Variants in LRP1B observed in about 807,000 individuals in gnomAD.
The protein encoded by LRP1B is LDL receptor related protein 1B.
Under a neutral mutation model 556.6 loss-of-function variants are expected in LRP1B, and 217 were observed. The observed-to-expected ratio is 0.39, with a 90% CI of 0.35 to 0.44. The LOEUF (loss-of-function observed/expected upper bound fraction) is 0.44. Among genes scored for constraint, LRP1B ranks in the 20% least tolerant of loss-of-function variants. The pLI is 1.00. For missense variants in LRP1B, 5,053 were observed against 5,620.8 expected, an observed-to-expected ratio of 0.90 and a Z score of 3.23; for synonymous variants, 2,047 against 1,865.8, an observed-to-expected ratio of 1.10 and a Z score of -2.50.
intron 2 of LRP1B, among the ~76,000 whole-genome samples, chr2:141,708,962 G>T (rs1692253535): frequency 6.6e-6 from 1 of 152,100 alleles, no homozygotes; most frequent in Non-Finnish European, 1.5e-5. Flanking sequence ...AATTTCTGTT[G>T]CTTGGTACCC....
In LRP1B at chr2:141,289,557, A is replaced by T. The variant is rs1271880023; in HGVS notation, c.344-34916T>A. Among the ~76,000 whole-genome samples, 5 of 152,116 alleles carry T rather than the reference A, an allele frequency of 3.3e-5. No homozygotes were observed. The East Asian group carries it at 9.6e-4, about 29-fold the overall frequency. On this transcript the variant is annotated intron_variant, in intron 3 of 90. Coordinates refer to ENST00000389484, the MANE Select transcript of LRP1B (RefSeq NM_018557.3). The stretch of plus-strand genomic sequence containing the variant: ...TTTACTTTTAAATTTCATATTTAAT[A>T]TTGAGGCATATATATATTCACACAG...
chr2:141,047,848 TTAA>T (rs960671975), intron 11 of LRP1B, among the ~76,000 whole-genome samples: 1 of 152,078 alleles, frequency 6.6e-6, no homozygotes, highest in Non-Finnish European at 1.5e-5. Flanking sequence ...CTCTCCCTCT[TTAA>T]TGTTTCTCCA....
At chr2:140,959,315 A>G (rs920245014) in intron 18 of LRP1B, among the ~76,000 whole-genome samples, 1 of 151,624 alleles carries the variant, frequency 6.6e-6, no homozygotes, top group African/African-American at 2.4e-5. Flanking sequence ...TACATACATA[A>G]ATATTGATAG....
chr2:141,811,578 A>C (rs1333604368), intron 1 of LRP1B, among the ~76,000 whole-genome samples: 10 of 152,080 alleles, frequency 6.6e-5, no homozygotes, highest in Admixed American at 6.6e-4. Context: ...TTGCAAACAC[A>C]TATATCTTTA....
chr2:140,683,519 G>C (rs1325182792), intron 41 of LRP1B: 2 of 604,954 alleles, frequency 3.3e-6, no homozygotes, highest in South Asian at 1.6e-5. Flanking sequence ...CCTGGATGTC[G>C]TCAGCATCAT....
intron 3 of LRP1B, among the ~76,000 whole-genome samples, chr2:141,475,758 T>C (rs1037013144): frequency 4.1e-5 from 6 of 146,984 alleles, no homozygotes; most frequent in African/African-American, 1.3e-4. Flanking sequence ...AGAAGTTCGG[T>C]TGGGGATGGT....
intron 80 of LRP1B, among the ~76,000 whole-genome samples, chr2:140,324,596 ATTC>A (rs1354101713): frequency 1.3e-5 from 2 of 152,168 alleles, no homozygotes; most frequent in South Asian, 4.1e-4. Flanking sequence ...AATGAAAATC[ATTC>A]TTCATCTGAT....
intron 35 of LRP1B, among the ~76,000 whole-genome samples, chr2:140,756,749 T>C (rs1305216103): frequency 6.6e-6 from 1 of 152,124 alleles, no homozygotes; most frequent in Non-Finnish European, 1.5e-5. Flanking sequence ...GTTAGTATCT[T>C]TGGATTAGGC....
At chr2:141,795,662 A>G (rs2105672600) in intron 2 of LRP1B, among the ~76,000 whole-genome samples, 1 of 151,810 alleles carries the variant, frequency 6.6e-6, no homozygotes, top group South Asian at 2.1e-4. Flanking sequence ...AGGGGATGTC[A>G]ATTCCAGTCA....
At chr2:140,250,360 C>G (rs926316882) in intron 86 of LRP1B, among the ~76,000 whole-genome samples, 1 of 151,720 alleles carries the variant, frequency 6.6e-6, no homozygotes, top group African/African-American at 2.4e-5. Flanking sequence ...GATGGATAGA[C>G]AGATAGACAG....
At chr2:141,489,619 G>A (rs1357991614) in intron 2 of LRP1B, among the ~76,000 whole-genome samples, 1 of 151,790 alleles carries the variant, frequency 6.6e-6, no homozygotes, top group African/African-American at 2.4e-5. Flanking sequence ...CTTTACAGAA[G>A]CAATACAACT....
At chr2:141,184,977 G>T (rs539132706) in intron 7 of LRP1B, among the ~76,000 whole-genome samples, 11 of 151,850 alleles carry the variant, frequency 7.2e-5, no homozygotes, top group Non-Finnish European at 1.6e-4. Context: ...AGAGAACAAG[G>T]TTGAAAAGAA....
At position 141,291,712 on chromosome 2, in the gene LRP1B, C is replaced by T. The variant is rs569235945; in HGVS notation, c.344-37071G>A. 5.3e-5 allele frequency among the ~76,000 whole-genome samples: 8 copies of T among 151,792 alleles called. No individual in the cohort carries two copies. The East Asian group carries it at 9.7e-4, about 18-fold the overall frequency. On this transcript the variant is annotated intron_variant, in intron 3 of 90. Transcript: ENST00000389484. ...TCTACTGAAAATACAAAAAATTAGC[C>T]GGGAGTGGTGGCGGGCACCTGTAAT...
intron 35 of LRP1B, among the ~76,000 whole-genome samples, chr2:140,749,498 T>C (rs1478927725): frequency 1.3e-5 from 2 of 152,166 alleles, no homozygotes; most frequent in African/African-American, 4.8e-5. Context: ...TTAAAATTTA[T>C]TGATTTATTT....
chr2:140,882,043 T>G (rs1247106613), intron 25 of LRP1B, among the ~76,000 whole-genome samples: 1 of 152,192 alleles, frequency 6.6e-6, no homozygotes, highest in African/African-American at 2.4e-5. Flanking sequence ...TTTTGTTTGT[T>G]TTCTGTGTCA....
In LRP1B at chr2:140,369,766, A is replaced by G. The variant is rs572119186; in HGVS notation, c.11008+944T>C. Among the ~76,000 whole-genome samples, 52 of 152,114 alleles carry G rather than the reference A, an allele frequency of 3.4e-4. 2 individuals carry two copies. The highest frequency in any genetic ancestry group is 1.2e-3 in the African/African-American group (51 of 41,550). ...CATCTGAAATAATATTAAAGAAAGTAAAATACTGTTTTTCTTAGGTGACTA... is the reference window on the plus strand; with the variant it reads ...CATCTGAAATAATATTAAAGAAAGTGAAATACTGTTTTTCTTAGGTGACTA... On this transcript the variant is annotated intron_variant, in intron 71 of 90. Coordinates refer to ENST00000389484, the MANE Select transcript of LRP1B (RefSeq NM_018557.3).
chr2:141,565,113 T>A (rs574137674), intron 2 of LRP1B, among the ~76,000 whole-genome samples: 8 of 152,238 alleles, frequency 5.3e-5, no homozygotes, highest in Non-Finnish European at 1.2e-4. Flanking sequence ...CCTAAATAAT[T>A]GTTATTTACA....
intron 86 of LRP1B, among the ~76,000 whole-genome samples, chr2:140,251,574 C>A (rs1335343032): frequency 3.3e-5 from 5 of 151,942 alleles, no homozygotes; most frequent in African/African-American, 1.2e-4. Flanking sequence ...AACCTTAAAG[C>A]AATTTAAAAT....
intron 7 of LRP1B, among the ~76,000 whole-genome samples, chr2:141,085,408 T>G (rs924582108): frequency 6.6e-5 from 10 of 152,188 alleles, no homozygotes; most frequent in African/African-American, 2.2e-4. Flanking sequence ...ATAGTTAAAA[T>G]GAGGACATTA....
Sources: allele counts gnomAD v4.1 joint callset (sites outside exome capture counted in the v4.1 genomes callset), GRCh38; gene constraint gnomAD v4.1.1; transcripts MANE v1.5; gene names NCBI Gene and HGNC (gene_info 2026-07-23, HGNC 2026-07-21).